REV3L: variants seen among roughly 807,000 people sequenced by gnomAD.
The protein encoded by REV3L is DNA polymerase zeta catalytic subunit.
REV3L carries 69 observed loss-of-function variants against 299.4 expected under a neutral mutation model. That is an observed-to-expected ratio of 0.23 (90% CI 0.19 to 0.28). The LOEUF (loss-of-function observed/expected upper bound fraction) is 0.28, where lower values mean the gene tolerates loss of function less well. Ranked by LOEUF, REV3L falls within the 10% of genes least tolerant of loss-of-function variation. REV3L has a pLI of 1.00. For missense variants in REV3L, 3,128 were observed against 3,693.8 expected, an observed-to-expected ratio of 0.85 and a Z score of 3.97; for synonymous variants, 1,238 against 1,271.4, an observed-to-expected ratio of 0.97 and a Z score of 0.56.
intron 31 of REV3L, among the ~76,000 whole-genome samples, chr6:111,300,450 A>G (rs888854227): frequency 1.3e-5 from 2 of 152,184 alleles, no homozygotes; most frequent in African/African-American, 4.8e-5. Context: ...TAAGCTACCC[A>G]ATTACCAAAG....
At chr6:111,319,890 C>T (rs768353908) in intron 26 of REV3L, among the ~76,000 whole-genome samples, 2 of 151,178 alleles carry the variant, frequency 1.3e-5, no homozygotes, top group African/African-American at 2.4e-5. Context: ...AGTGCAGTGG[C>T]GCGATTTTGG....
At chr6:111,369,518 T>A (rs1310544136) in intron 13 of REV3L, among the ~76,000 whole-genome samples, 2 of 152,012 alleles carry the variant, frequency 1.3e-5, no homozygotes, top group African/African-American at 4.8e-5. Context: ...ATAATATACA[T>A]AATATCTATA....
chr6:111,329,920 T>C (rs1194492881), intron 24 of REV3L, among the ~76,000 whole-genome samples, 182 bp from the exon 25 acceptor site: 1 of 152,152 alleles, frequency 6.6e-6, no homozygotes, highest in Non-Finnish European at 1.5e-5. Flanking sequence ...TGGAAGAGGA[T>C]TTCTCCTAAA....
intron 1 of REV3L, among the ~76,000 whole-genome samples, chr6:111,463,565 T>A (rs896906123): frequency 4.6e-5 from 7 of 152,206 alleles, no homozygotes; most frequent in Non-Finnish European, 8.8e-5. Context: ...CTTCTTAGAA[T>A]TGATGAAATA....
chr6:111,455,960 G>A (rs1284704083), intron 1 of REV3L, among the ~76,000 whole-genome samples: 3 of 152,176 alleles, frequency 2.0e-5, no homozygotes, highest in Admixed American at 6.5e-5. Flanking sequence ...TCGAAACCTC[G>A]TATATGGCAC....
intron 27 of REV3L, among the ~76,000 whole-genome samples, chr6:111,313,928 G>A (rs1446244575): frequency 6.6e-6 from 1 of 152,140 alleles, no homozygotes; most frequent in Non-Finnish European, 1.5e-5. Flanking sequence ...ATAGTTCATT[G>A]TTACTTCCTA....
chr6:111,349,050 T>G lies in REV3L; in HGVS notation c.7419+168A>C, dbSNP rs1252399510. On this transcript the variant is annotated intron_variant, in intron 20 of 31. Coordinates refer to ENST00000368802, the MANE Select transcript of REV3L (RefSeq NM_001372078.1). Reference sequence around the variant, plus strand: ...ACTTAAAACATTAAAGTCTATTACCTCTGTAGTTTTGCATTTTAGAAAGTA... The same window carrying G: ...ACTTAAAACATTAAAGTCTATTACCGCTGTAGTTTTGCATTTTAGAAAGTA... 6.3e-6 allele frequency: 3 copies of G among 474,556 alleles called. No individual in the cohort carries two copies. The East Asian group carries it at 1.0e-4, about 16-fold the overall frequency. The allele number at this position is 474,556 out of a possible 1,614,324, so 29.4% of individuals were successfully genotyped here. A position where few individuals can be genotyped will look rare whatever the true frequency, so the allele number is the denominator to read the frequency against.
Position 111,389,228 on chromosome 6 carries a change from C to G in REV3L, c.758-18G>C, listed in dbSNP as rs1477332910. The stretch of plus-strand genomic sequence containing the variant: ...AATTTGAGCTGTAATCACAATAATA[C>G]TTCAATACTACAGGGTCAAAGTAAG... On this transcript the variant is annotated intron_variant, in intron 6 of 31. Coordinates refer to ENST00000368802, the MANE Select transcript of REV3L (RefSeq NM_001372078.1). The G allele has an allele frequency of 6.4e-7, 1 of 1,558,188 alleles. No individual in the cohort carries two copies. The highest frequency in any genetic ancestry group is 2.2e-5 in the East Asian group (1 of 44,572).
chr6:111,466,595 GA>G (rs996503850), intron 1 of REV3L, among the ~76,000 whole-genome samples: 1 of 152,206 alleles, frequency 6.6e-6, no homozygotes. Context: ...TCAGCACTTT[GA>G]GGGGCTGAGA....
chr6:111,348,934 T>G (rs1056976584), intron 20 of REV3L: 1 of 191,706 alleles, frequency 5.2e-6, no homozygotes, highest in Non-Finnish European at 1.1e-5. Context: ...AGATTACAAG[T>G]GTGAGCACTG....
intron 20 of REV3L, among the ~76,000 whole-genome samples, chr6:111,348,145 C>T (rs1777211842): frequency 6.6e-6 from 1 of 151,966 alleles, no homozygotes; most frequent in Admixed American, 6.6e-5. Flanking sequence ...CAAGGTCTCG[C>T]TATGTTACCC....
At chr6:111,452,469 T>C (rs1218749596) in intron 1 of REV3L, among the ~76,000 whole-genome samples, 3 of 152,122 alleles carry the variant, frequency 2.0e-5, no homozygotes, top group Non-Finnish European at 4.4e-5. Flanking sequence ...GGTATATCCA[T>C]ATAATGGATA....
Position 111,405,509 on chromosome 6 carries a change from T to A in REV3L, c.526A>T (p.Asn176Tyr). Residue 176 changes from asparagine to tyrosine, a missense_variant, in exon 4 of 32, where the codon AAT becomes TAT. By Grantham distance (143) the Asn-to-Tyr change is moderately radical. This residue lies in a region of REV3L where 2,409 missense variants were observed against 2,611.8 expected (regional missense o/e 0.92). Transcript: ENST00000368802. ...DYNLYGMNLI[N>Y]LAAVKFRKAR... ...TTTCGGAACTTGACAGCAGCCAGAT[T>A]TATTAAATTCATGCCATAAAGATTG... The A allele has an allele frequency of 6.2e-7, 1 of 1,605,138 alleles. No homozygotes were observed. Among genetic ancestry groups the A allele is most frequent in the Non-Finnish European group, 8.5e-7 (1 of 1,176,752 alleles).
At chr6:111,473,991 CA>C (rs1223589200) in intron 1 of REV3L, among the ~76,000 whole-genome samples, 6 of 150,198 alleles carry the variant, frequency 4.0e-5, no homozygotes, top group Admixed American at 1.3e-4. Context: ...AACTTGTCAG[CA>C]AAAAAAAATT....
At chr6:111,410,860 G>A (rs374963266) in intron 3 of REV3L, among the ~76,000 whole-genome samples, 2 of 152,058 alleles carry the variant, frequency 1.3e-5, no homozygotes, top group African/African-American at 4.8e-5. Flanking sequence ...GTACACCTCC[G>A]AGGCCACTTT....
At chr6:111,451,446 C>T (rs953635582) in intron 1 of REV3L, among the ~76,000 whole-genome samples, 3 of 152,100 alleles carry the variant, frequency 2.0e-5, no homozygotes, top group African/African-American at 7.2e-5. Flanking sequence ...TGAAAGAGAA[C>T]TTTTAGGTGC....
At chr6:111,429,294 G>T (rs1192200959) in intron 1 of REV3L, among the ~76,000 whole-genome samples, 2 of 152,140 alleles carry the variant, frequency 1.3e-5, no homozygotes, top group Non-Finnish European at 2.9e-5. Flanking sequence ...GATTATAGGT[G>T]TGAGCCATTG....
intron 21 of REV3L, among the ~76,000 whole-genome samples, chr6:111,340,463 A>G (rs145846247): frequency 2.3e-3 from 355 of 152,276 alleles, no homozygotes; most frequent in Non-Finnish European, 3.9e-3. Context: ...ATTCATTCAT[A>G]TAAATCTGGG....
At chr6:111,381,781 TAAA>T (rs1207335503) in intron 9 of REV3L, among the ~76,000 whole-genome samples, 1 of 152,194 alleles carries the variant, frequency 6.6e-6, no homozygotes, top group Non-Finnish European at 1.5e-5. Context: ...ATTTGAATAC[TAAA>T]ATTCTTTATT....
Sources: gnomAD v4.1 joint callset for allele counts (sites outside exome capture counted in the v4.1 genomes callset) on GRCh38, gnomAD v4.1.1 for gene constraint, gnomAD v4.1.1 regional missense constraint, MANE v1.5 for transcripts, NCBI Gene and HGNC (gene_info 2026-07-23, HGNC 2026-07-21) for gene names.